SPAG8: variants seen among roughly 807,000 people sequenced by gnomAD.
The protein encoded by SPAG8 is sperm-associated antigen 8.
SPAG8 carries 36 observed loss-of-function variants against 45.3 expected under a neutral mutation model. That is an observed-to-expected ratio of 0.80 (90% CI 0.61 to 1.05). The LOEUF (loss-of-function observed/expected upper bound fraction) is 1.05, where lower values mean the gene tolerates loss of function less well. SPAG8 is among the 50% of genes least tolerant of loss of function. SPAG8 has a pLI of 0.00. For missense variants in SPAG8, 573 were observed against 609.2 expected, an observed-to-expected ratio of 0.94 and a Z score of 0.63; for synonymous variants, 227 against 232.6, an observed-to-expected ratio of 0.98 and a Z score of 0.22.
rs774787875 is a variant in SPAG8, at chr9:35,811,004, A to G, written c.918T>C (p.Ser306=). 4 of 1,612,010 alleles carry G rather than the reference A, an allele frequency of 2.5e-6. No individual in the cohort carries two copies. The highest frequency in any genetic ancestry group is 1.7e-5 in the Admixed American group (1 of 59,832). The change falls in exon 3 of 7, where the codon AGT becomes AGC. Residue 306 remains serine, a synonymous_variant. Transcript: ENST00000396638. ...QVPSMQDGSE[S]FFFRHGHRGL... is the part of the protein sequence containing the mutation. ...CCCGGTGTCCGTGTCGGAAGAAAAA[A>G]CTCTCAGAGCCATCCTGCATGCTTG...
At chr9:35,809,310 T>C (rs1828628338), downstream of SPAG8, 13 of 1,610,464 alleles carry the variant, frequency 8.1e-6, no homozygotes, top group East Asian at 2.2e-5. The surrounding 1 kb of genome is among the most constrained non-coding windows in gnomAD (Gnocchi z 4.1). Context: ...ATGGGAATCA[T>C]AGGGAAAGAG....
Position 35,811,206 on chromosome 9 carries a change from G to T in SPAG8, c.840C>A (p.Cys280Ter), listed in dbSNP as rs150971266. 1 of 1,578,878 alleles carries T rather than the reference G, an allele frequency of 6.3e-7. No individual in the cohort carries two copies. The highest frequency in any genetic ancestry group is 8.6e-7 in the Non-Finnish European group (1 of 1,161,338). ...VCYETLPRGQ[C>*]LLYNWEEERA... ...CCTCTTCCTCCCAGTTGTAGAGGAGGCACTGGCCCCGCGGCAAAGTTTCAT... is the reference window on the plus strand; with the variant it reads ...CCTCTTCCTCCCAGTTGTAGAGGAGTCACTGGCCCCGCGGCAAAGTTTCAT... The change falls in exon 2 of 7, where the codon TGC (cysteine) becomes TGA (stop). Residue 280 changes from cysteine to a stop codon, truncating the protein, a stop_gained. Coordinates refer to ENST00000396638, the MANE Select transcript of SPAG8 (RefSeq NM_001039592.2). LOFTEE classifies it high-confidence loss of function.
downstream of SPAG8, chr9:35,809,251 ATGGCAGGCCATGG>A: frequency 6.2e-7 from 1 of 1,613,266 alleles, no homozygotes; most frequent in Non-Finnish European, 8.5e-7. The surrounding 1 kb of genome is among the most constrained non-coding windows in gnomAD (Gnocchi z 4.1). Context: ...AATGAAGGTG[ATGGCAGGCCATGG>A]GGAGGGGGGC....
At chr9:35,811,139 A>G (rs777958424) in intron 2 of SPAG8, 43 bp downstream of exon 2, 5 of 1,557,594 alleles carry the variant, frequency 3.2e-6, no homozygotes, top group East Asian at 2.2e-5. Flanking sequence ...TAAGAAACTG[A>G]GGGCAGCCTT....
chr9:35,808,402 C>T (rs937754304), downstream of SPAG8: 3 of 1,418,770 alleles, frequency 2.1e-6, no homozygotes, highest in East Asian at 2.3e-5. The surrounding 1 kb of genome is among the most constrained non-coding windows in gnomAD (Gnocchi z 4.0). Flanking sequence ...ATTCTGGTCT[C>T]CAGCATGTCA....
At chr9:35,810,406 G>A in intron 5 of SPAG8, 33 bp downstream of exon 5, 1 of 1,603,626 alleles carries the variant, frequency 6.2e-7, no homozygotes, top group Non-Finnish European at 8.5e-7. Context: ...CCCAGCTGGT[G>A]CAAGTGGCGG....
rs2132115174 is a variant in SPAG8, at chr9:35,811,494, A to G, written c.552T>C (p.Gly184=). ...GPGPGSGPGS[G]PGHGSGSHPG... is the part of the protein sequence containing the mutation. ...GATGAGAGCCAGAGCCATGACCAGG[A>G]CCAGAGCCAGGACCAGAGCCAGGAC... is the stretch of plus-strand genomic sequence containing the variant. Residue 184 remains glycine (G), a synonymous_variant, in exon 2 of 7, where the codon GGT becomes GGC. Transcript: ENST00000396638. The G allele has an allele frequency of 1.0e-6, 1 of 989,500 alleles. No individual in the cohort carries two copies. The highest frequency in any genetic ancestry group is 1.3e-6 in the Non-Finnish European group (1 of 750,086). 61.3% of individuals were successfully genotyped at this position (989,500 alleles called of 1,614,324 possible).
downstream of SPAG8, chr9:35,809,284 GA>G: frequency 6.2e-6 from 10 of 1,610,846 alleles, no homozygotes; most frequent in Non-Finnish European, 8.5e-6. The surrounding 1 kb of genome is among the most constrained non-coding windows in gnomAD (Gnocchi z 4.1). Flanking sequence ...CATGGAAAGG[GA>G]GGGTGAAAGT....
Position 35,811,054 on chromosome 9 carries a change from C to T in SPAG8, c.868G>A (p.Ala290Thr). Residue 290 changes from alanine to threonine, a missense_variant, in exon 3 of 7, where the codon GCC becomes ACC. Physicochemically the swap from Ala to Thr is moderately conservative, Grantham distance 58. Transcript: ENST00000396638. ...CLLYNWEEER[A>T]TNHLDQVPSM... is the part of the protein sequence containing the mutation. ...GGGACTTGATCCAGGTGGTTGGTGG[C>T]TCTCTGTGGATCCCAAGTTGAATGA... The T allele has an allele frequency of 6.2e-7, 1 of 1,612,594 alleles. No individual in the cohort carries two copies. The highest frequency in any genetic ancestry group is 8.5e-7 in the Non-Finnish European group (1 of 1,179,194).
chr9:35,811,269 C>T lies in SPAG8; in HGVS notation c.777G>A (p.Trp259Ter). ...GCTTCCCTTTAATGTCTGGGGGTTT[C>T]CATAGTCCTCGGGCACCCGGTTCTA... ...QVLEPGARGL[W>*]KPPDIKGKLM... The change falls in exon 2 of 7, where the codon TGG (tryptophan) becomes TGA (stop). Residue 259 changes from tryptophan to a stop codon, truncating the protein, a stop_gained. Coordinates refer to ENST00000396638, the MANE Select transcript of SPAG8 (RefSeq NM_001039592.2). LOFTEE classifies it high-confidence loss of function. The T allele has an allele frequency of 2.5e-6, 4 of 1,613,538 alleles. No homozygotes were observed. The highest frequency in any genetic ancestry group is 3.4e-6 in the Non-Finnish European group (4 of 1,179,584).
rs754307381 is a variant in SPAG8 at position 35,811,810 on chromosome 9, G to T, written c.236C>A (p.Pro79His). Residue 79 changes from proline (P) to histidine (H), a missense_variant, in exon 2 of 7, where the codon CCC becomes CAC. Transcript: ENST00000396638. ...AAALSTKTPA[P>H]CSEFMEPSSD... ...GGACGGCTCCATGAACTCAGAACAG[G>T]GCGCTGGGGTCTTTGTAGATAATGC... The T allele has an allele frequency of 7.4e-6, 12 of 1,613,414 alleles. No homozygotes were observed. The South Asian group carries it at 1.3e-4, about 18-fold the overall frequency.
In SPAG8 at chr9:35,811,673, T is replaced by C; in HGVS notation, c.373A>G (p.Thr125Ala). 1 of 1,614,178 alleles carries C rather than the reference T, an allele frequency of 6.2e-7. No individual in the cohort carries two copies. The highest frequency in any genetic ancestry group is 8.5e-7 in the Non-Finnish European group (1 of 1,180,022). ...PVYVSCIAQD[T>A]CTTTDHSSNP... ...GAACTATGGTCAGTTGTAGTGCAAG[T>C]GTCCTGAGCAATACAGGAAACATAG... Residue 125 changes from threonine (T) to alanine (A), a missense_variant, in exon 2 of 7, where the codon ACT (threonine) becomes GCT (alanine). Coordinates refer to ENST00000396638, the MANE Select transcript of SPAG8 (RefSeq NM_001039592.2).
Position 35,810,260 on chromosome 9 carries a change from G to A in SPAG8, c.1250C>T (p.Ala417Val), listed in dbSNP as rs1828709678. 2.5e-6 allele frequency: 4 copies of A among 1,614,038 alleles called. No homozygotes were observed. The highest frequency in any genetic ancestry group is 1.7e-5 in the Admixed American group (1 of 60,004). ...ACCCTCACACACCGGCAGCTGTGGT[G>A]CCCTCTGTATCCAGAAGGTCTCAGG... Reference protein sequence around the residue: ...EQPETFWIQRAPQLPGVSNIR... With the variant: ...EQPETFWIQRVPQLPGVSNIR... Residue 417 changes from alanine to valine, a missense_variant, in exon 6 of 7, where the codon GCA becomes GTA. Physicochemically the swap from Ala to Val is moderately conservative, Grantham distance 64 (BLOSUM62 0). Coordinates refer to ENST00000396638, the MANE Select transcript of SPAG8 (RefSeq NM_001039592.2).
downstream of SPAG8, among the ~76,000 whole-genome samples, chr9:35,807,867 C>T (rs145062564): frequency 5.3e-5 from 8 of 152,232 alleles, no homozygotes; most frequent in East Asian, 1.5e-3. Context: ...AACTGTGTGG[C>T]CTTAGGTAAG....
chr9:35,809,804 T>C lies in SPAG8; in HGVS notation c.*134A>G. The C allele has an allele frequency of 4.5e-6, 7 of 1,554,316 alleles. No homozygotes were observed. Among genetic ancestry groups the C allele is most frequent in the Non-Finnish European group, 6.0e-6 (7 of 1,158,886 alleles). On this transcript the variant is annotated 3_prime_UTR_variant, in exon 7 of 7. Transcript: ENST00000396638. The surrounding 1 kb of genome is among the most constrained non-coding windows in gnomAD (Gnocchi z 4.1). ...ACAGTGACTCACAGAATCACTAAATTAGCAGTCTTGGGATGAGAGAGAACC... is the reference window on the plus strand; with the variant it reads ...ACAGTGACTCACAGAATCACTAAATCAGCAGTCTTGGGATGAGAGAGAACC...
downstream of SPAG8, chr9:35,808,143 G>C: frequency 1.3e-6 from 2 of 1,538,768 alleles, no homozygotes; most frequent in Non-Finnish European, 1.8e-6. This position sits in a 1 kb window ranked among gnomAD's most constrained non-coding sequence, Gnocchi z 4.0. Flanking sequence ...TGGGCTGTCA[G>C]GTCCATTTCA....
At chr9:35,810,791 C>T (rs529230187) in intron 3 of SPAG8, 92 bp downstream of exon 3, 1 of 1,594,344 alleles carries the variant, frequency 6.3e-7, no homozygotes, top group East Asian at 2.2e-5. Context: ...CCCTTATATC[C>T]ACTGGAGAAT....
chr9:35,809,036 T>C, downstream of SPAG8: 3 of 1,069,832 alleles, frequency 2.8e-6, no homozygotes, highest in Admixed American at 1.7e-5. The surrounding 1 kb of genome is among the most constrained non-coding windows in gnomAD (Gnocchi z 4.1). Context: ...CTAATAGATA[T>C]GCATTGGGAG....
chr9:35,808,158 G>A (rs753284047), downstream of SPAG8: 4 of 1,591,420 alleles, frequency 2.5e-6, no homozygotes, highest in South Asian at 4.4e-5. The surrounding 1 kb of genome is among the most constrained non-coding windows in gnomAD (Gnocchi z 4.0). Flanking sequence ...ATTTCACTGG[G>A]CCTGCTTTAC....
Sources: allele counts gnomAD v4.1 joint callset (sites outside exome capture counted in the v4.1 genomes callset), GRCh38; gene constraint gnomAD v4.1.1; non-coding constraint Gnocchi (gnomAD v3.1); transcripts MANE v1.5; gene names NCBI Gene and HGNC (gene_info 2026-07-23, HGNC 2026-07-21).